The following RASEF variants were observed in gnomAD, a reference collection of about 807,000 sequenced individuals.
RASEF encodes the protein ras and EF-hand domain-containing protein.
RASEF carries 68 observed loss-of-function variants against 90.1 expected under a neutral mutation model. That is an observed-to-expected ratio of 0.75 (90% confidence interval 0.62 to 0.92). The LOEUF is 0.92. Ranked by LOEUF, RASEF falls within the 40% of genes least tolerant of loss-of-function variation. The pLI is 0.00. For synonymous variants in RASEF, 331 were observed against 345.2 expected, an observed-to-expected ratio of 0.96 and a Z score of 0.46; for missense variants, 949 against 937.2, an observed-to-expected ratio of 1.01 and a Z score of -0.16.
At chr9:83,173,037 T>C in the RASEF span, among the ~76,000 whole-genome samples, 2 of 152,012 alleles carry the variant, frequency 1.3e-5, no homozygotes, top group African/African-American at 4.8e-5. Context: ...TTGAATGTTT[T>C]ATTTCCTTCA....
At chr9:82,993,801 C>T (rs972541584) in intron 14 of RASEF, among the ~76,000 whole-genome samples, 2 of 152,108 alleles carry the variant, frequency 1.3e-5, no homozygotes, top group African/African-American at 4.8e-5. Flanking sequence ...AGTCTGAGAC[C>T]CAGCCCTCCA....
the RASEF span, among the ~76,000 whole-genome samples, chr9:83,092,003 C>CTTTTTTTTTTTTTTTTTTTTTTTTTCTT: frequency 2.8e-5 from 1 of 35,920 alleles, no homozygotes; most frequent in Non-Finnish European, 5.3e-5. Flanking sequence ...TCTTTTATTT[C>CTTTTTTTTTTTTTTTTTTTTTTTTTCTT]TTTTTTTTTT....
At chr9:83,102,449 C>A in the RASEF span, among the ~76,000 whole-genome samples, 1 of 152,176 alleles carries the variant, frequency 6.6e-6, no homozygotes, top group African/African-American at 2.4e-5. Flanking sequence ...TGCTGCCGTA[C>A]ACATGTCTGC....
At chr9:83,155,531 C>G in the RASEF span, among the ~76,000 whole-genome samples, 2 of 152,098 alleles carry the variant, frequency 1.3e-5, no homozygotes, top group African/African-American at 4.8e-5. Context: ...AAACCGCCCC[C>G]ATGATTAAAT....
the RASEF span, among the ~76,000 whole-genome samples, chr9:83,148,476 G>T: frequency 7.2e-5 from 11 of 152,244 alleles, no homozygotes; most frequent in Non-Finnish European, 1.6e-4. Context: ...TGCTTTACAA[G>T]CCAAGAAAAG....
chr9:83,008,891 C>CTTATAT (rs57817845), intron 6 of RASEF, among the ~76,000 whole-genome samples: 1 of 19,564 alleles, frequency 5.1e-5, no homozygotes, highest in Non-Finnish European at 1.2e-4. Context: ...AAGTTCTCAT[C>CTTATAT]ATATATATAT....
the RASEF span, among the ~76,000 whole-genome samples, chr9:83,149,222 C>T: frequency 1.3e-5 from 2 of 152,196 alleles, no homozygotes; most frequent in East Asian, 1.9e-4. Context: ...ATTGAAGTCC[C>T]AGTGGAAATG....
At chr9:83,207,361 C>A in the RASEF span, among the ~76,000 whole-genome samples, 1 of 152,166 alleles carries the variant, frequency 6.6e-6, no homozygotes, top group Non-Finnish European at 1.5e-5. Context: ...AGGGTGTCTG[C>A]ACTAATCTTC....
At chr9:83,091,880 T>C in the RASEF span, among the ~76,000 whole-genome samples, 7 of 152,246 alleles carry the variant, frequency 4.6e-5, no homozygotes, top group African/African-American at 1.7e-4. Flanking sequence ...GATGTTATTT[T>C]TAAGTGGCCA....
the RASEF span, among the ~76,000 whole-genome samples, chr9:83,202,750 G>A: frequency 1.3e-5 from 2 of 152,050 alleles, no homozygotes; most frequent in Admixed American, 6.5e-5. Context: ...CTCCCACCTC[G>A]CAAAGTGCTG....
the RASEF span, among the ~76,000 whole-genome samples, chr9:83,093,486 G>A: frequency 5.9e-5 from 9 of 152,214 alleles, no homozygotes; most frequent in South Asian, 2.1e-4. Flanking sequence ...GCGCAGCCCC[G>A]GTGGGCTGGC....
At chr9:83,003,423 G>A (rs1829074773) in intron 9 of RASEF, among the ~76,000 whole-genome samples, 1 of 152,100 alleles carries the variant, frequency 6.6e-6, no homozygotes. Flanking sequence ...AATGAATCAT[G>A]GTGAAATTTC....
intron 14 of RASEF, among the ~76,000 whole-genome samples, chr9:82,995,788 T>C (rs971400821): frequency 3.3e-5 from 5 of 152,156 alleles, no homozygotes; most frequent in African/African-American, 1.2e-4. Flanking sequence ...ACTGGTGCTA[T>C]ATCAAAACAG....
the RASEF span, among the ~76,000 whole-genome samples, chr9:83,189,358 A>C: frequency 1.3e-5 from 2 of 152,200 alleles, no homozygotes; most frequent in African/African-American, 4.8e-5. Flanking sequence ...ACTGTGAGTC[A>C]ATTAAACCTC....
chr9:83,215,503 C>T, the RASEF span, among the ~76,000 whole-genome samples: 2 of 152,208 alleles, frequency 1.3e-5, no homozygotes, highest in African/African-American at 4.8e-5. Flanking sequence ...CTGCGTGCTC[C>T]CCCTTGTCAG....
At chr9:83,064,477 GA>G (rs1234778877), upstream of RASEF, among the ~76,000 whole-genome samples, 3 of 152,122 alleles carry the variant, frequency 2.0e-5, no homozygotes, top group African/African-American at 4.8e-5. Flanking sequence ...TTTTCCATAT[GA>G]ATTTAAAAGT....
chr9:83,154,283 C>T, the RASEF span, among the ~76,000 whole-genome samples: 2 of 152,210 alleles, frequency 1.3e-5, no homozygotes, highest in Non-Finnish European at 2.9e-5. Context: ...GTGAACTACA[C>T]AGTCTTCTGC....
chr9:83,204,120 C>T, the RASEF span, among the ~76,000 whole-genome samples: 16 of 152,052 alleles, frequency 1.1e-4, no homozygotes, highest in African/African-American at 3.9e-4. Flanking sequence ...TATTCAAAAA[C>T]ATTTAGGAGG....
At chr9:83,112,355 T>C in the RASEF span, among the ~76,000 whole-genome samples, 1 of 152,240 alleles carries the variant, frequency 6.6e-6, no homozygotes. Context: ...TATCCGTTAG[T>C]GAATTGGCAC....
Sources: gnomAD v4.1 joint callset for allele counts (sites outside exome capture counted in the v4.1 genomes callset) on GRCh38, gnomAD v4.1.1 for gene constraint, MANE v1.5 for transcripts, NCBI Gene and HGNC (gene_info 2026-07-23, HGNC 2026-07-21) for gene names.